GPRIN2: variants seen among roughly 807,000 people sequenced by gnomAD.
The protein encoded by GPRIN2 is G protein-regulated inducer of neurite outgrowth 2.
GPRIN2 carries 1 observed loss-of-function variant against 0.3 expected under a neutral mutation model. The ratio of observed to expected loss-of-function variants is 3.90; its 90% CI spans 1.39 to 18.51. GPRIN2 has a LOEUF of 18.51. GPRIN2 is among the 30% of genes most tolerant of loss of function. The pLI is 0.11. For synonymous variants in GPRIN2, 361 were observed against 258.6 expected (o/e 1.40, Z -3.80); for missense variants, 880 against 604.2 (o/e 1.46, Z -4.79).
chr10:46,551,876 A>G (rs757184749), intron 2 of GPRIN2, among the ~76,000 whole-genome samples: 26 of 152,288 alleles, frequency 1.7e-4, no homozygotes, highest in Non-Finnish European at 3.2e-4. Context: ...CAGTTTGGCC[A>G]ACTGTCAGCC....
At chr10:46,552,144 A>G (rs1842684413) in intron 2 of GPRIN2, among the ~76,000 whole-genome samples, 1 of 152,310 alleles carries the variant, frequency 6.6e-6, no homozygotes, top group Non-Finnish European at 1.5e-5. Flanking sequence ...CTGGAGGACC[A>G]GCCACGTAAG....
rs1218602193 is a variant in GPRIN2, at chr10:46,546,399, C to G, written c.*2961G>C. 6.6e-6 allele frequency among the ~76,000 whole-genome samples: 1 copy of G among 152,310 alleles called. No individual in the cohort carries two copies. On this transcript the variant is annotated 3_prime_UTR_variant, in exon 3 of 3. Transcript: ENST00000374314. ...GCTCTAGGACTCCAGGGTTTATGCT[C>G]CAAAGAACAGAATTTACCAGGACAA...
chr10:46,549,599 G>A lies in GPRIN2; in HGVS notation c.1138C>T (p.Arg380Trp), dbSNP rs1832663943. 4.6e-5 allele frequency: 75 copies of A among 1,614,166 alleles called. No homozygotes were observed. Among genetic ancestry groups the A allele is most frequent in the African/African-American group, 3.5e-4 (26 of 75,076 alleles). Residue 380 changes from arginine to tryptophan, a missense_variant, in exon 3 of 3, where the codon CGG becomes TGG. Transcript: ENST00000374314. ...CCCTCAGCATCCCATCGCACATCCC[G>A]CACAGGGGACGGCACCTCCTCCAGG... ...SSLEEVPSPV[R>W]DVRWDAEGMT... is the part of the protein sequence containing the mutation.
At chr10:46,551,333 A>AGG in intron 2 of GPRIN2, 1 of 932,510 alleles carries the variant, frequency 1.1e-6, no homozygotes, top group South Asian at 4.9e-5. Context: ...ACTGAGAATC[A>AGG]CCCTGGGCTT....
chr10:46,546,084 G>A lies in GPRIN2; in HGVS notation c.*3276C>T, dbSNP rs1178678625. 1.3e-5 allele frequency among the ~76,000 whole-genome samples: 2 copies of A among 152,306 alleles called. No homozygotes were observed. The highest frequency in any genetic ancestry group is 4.8e-5 in the African/African-American group (2 of 41,486). On this transcript the variant is annotated 3_prime_UTR_variant, in exon 3 of 3. Transcript: ENST00000374314. ...GAGACCCAATCCAGGTGACACAGGA[G>A]GTAAGATCACAGTGGAACAGGCCAT...
rs1832531426 is a variant in GPRIN2, at chr10:46,549,977, C to T, written c.760G>A (p.Gly254Arg). Residue 254 changes from glycine to arginine, a missense_variant, in exon 3 of 3, where the codon GGG (glycine) becomes AGG (arginine). Gly to Arg is a moderately radical substitution (Grantham distance 125). Transcript: ENST00000374314. ...GGCCHALPAT[G>R]ILAFPKLVAS... ...ACTAGTTTGGGAAAGGCCAGGATCC[C>T]TGTGGCAGGTAGGGCATGGCAGCAG... The T allele has an allele frequency of 5.0e-6, 8 of 1,614,104 alleles. No individual in the cohort carries two copies. The highest frequency in any genetic ancestry group is 5.9e-6 in the Non-Finnish European group (7 of 1,180,056).
intron 2 of GPRIN2, among the ~76,000 whole-genome samples, chr10:46,552,886 G>A (rs1312120904): frequency 1.3e-5 from 2 of 152,308 alleles, no homozygotes; most frequent in Non-Finnish European, 2.9e-5. Context: ...GGAAGAGGAG[G>A]AGTAGCCAAG....
chr10:46,554,786 T>G (rs1842988076), intron 1 of GPRIN2, 91 bp from the exon 2 acceptor site: 1 of 154,470 alleles, frequency 6.5e-6, no homozygotes, highest in African/African-American at 2.4e-5. Context: ...AGCCCAAACA[T>G]AGAGACCTTT....
rs1156630123 is a variant in GPRIN2 at position 46,545,194 on chromosome 10, C to A, written c.*4166G>T. On this transcript the variant is annotated 3_prime_UTR_variant, in exon 3 of 3. Coordinates refer to ENST00000374314, the MANE Select transcript of GPRIN2 (RefSeq NM_001385282.1). ...ATGCAAATGTCAATGGGTGCACCCC[C>A]AGATGCCTGTGACTCCCTCTGGTGG... Among the ~76,000 whole-genome samples, 2 of 152,310 alleles carry A rather than the reference C, an allele frequency of 1.3e-5. No homozygotes were observed. The highest frequency in any genetic ancestry group is 4.8e-5 in the African/African-American group (2 of 41,488).
In GPRIN2 at chr10:46,550,265, G is replaced by A. The variant is rs145549210; in HGVS notation, c.472C>T (p.Pro158Ser). 597 of 1,610,930 alleles carry A rather than the reference G, an allele frequency of 3.7e-4. No individual in the cohort carries two copies. The African/African-American group carries it at 6.4e-3, about 17-fold the overall frequency. Residue 158 changes from proline to serine, a missense_variant, in exon 3 of 3, where the codon CCA becomes TCA. Coordinates refer to ENST00000374314, the MANE Select transcript of GPRIN2 (RefSeq NM_001385282.1). ...CCACCCTGGCCAGAAGTACCACCTG[G>A]CTGCAGCTGAGCCCTGTGGACAGGG... ...SSPVHRAQLQ[P>S]GGTSGQGGQA...
chr10:46,551,707 T>C (rs1842631521), intron 2 of GPRIN2, among the ~76,000 whole-genome samples: 1 of 152,310 alleles, frequency 6.6e-6, no homozygotes, highest in Non-Finnish European at 1.5e-5. Flanking sequence ...GTACCATCGC[T>C]GTCACTTCCC....
Position 46,544,735 on chromosome 10 carries a change from G to A in GPRIN2, c.*4625C>T, listed in dbSNP as rs1260583833. ...TGGCCACCACAGAACCAGTTCTGCT[G>A]AGAACGAGGACTCGAGTCAGGCTAT... On this transcript the variant is annotated 3_prime_UTR_variant, in exon 3 of 3. Coordinates refer to ENST00000374314, the MANE Select transcript of GPRIN2 (RefSeq NM_001385282.1). Among the ~76,000 whole-genome samples the A allele has an allele frequency of 6.6e-6, 1 of 152,310 alleles. No homozygotes were observed. Among genetic ancestry groups the A allele is most frequent in the East Asian group, 1.9e-4 (1 of 5,208 alleles).
rs1842025717 is a variant in GPRIN2, at chr10:46,544,946, C to T, written c.*4414G>A. Among the ~76,000 whole-genome samples, 1 of 152,310 alleles carries T rather than the reference C, an allele frequency of 6.6e-6. No individual in the cohort carries two copies. Among genetic ancestry groups the T allele is most frequent in the Non-Finnish European group, 1.5e-5 (1 of 68,058 alleles). On this transcript the variant is annotated 3_prime_UTR_variant, in exon 3 of 3. Transcript: ENST00000374314. ...GTCCTGGGCTTCATACCAGCCCTGCCCTGCCTGACAAGTTGGATGAAAACT... is the reference window on the plus strand; with the variant it reads ...GTCCTGGGCTTCATACCAGCCCTGCTCTGCCTGACAAGTTGGATGAAAACT...
chr10:46,547,743 A>G lies in GPRIN2; in HGVS notation c.*1617T>C, dbSNP rs901496329. ...CATATACCCATGTGTCACTCCCCAG[A>G]ACGTGAGCTGCCTGCCCTGGCACCA... is the stretch of plus-strand genomic sequence containing the variant. On this transcript the variant is annotated 3_prime_UTR_variant, in exon 3 of 3. Coordinates refer to ENST00000374314, the MANE Select transcript of GPRIN2 (RefSeq NM_001385282.1). Among the ~76,000 whole-genome samples, 38 of 152,276 alleles carry G rather than the reference A, an allele frequency of 2.5e-4. No homozygotes were observed. Among genetic ancestry groups the G allele is most frequent in the Non-Finnish European group, 4.7e-4 (32 of 68,036 alleles).
chr10:46,555,698 A>T (rs990904396), intron 1 of GPRIN2, among the ~76,000 whole-genome samples: 3 of 152,304 alleles, frequency 2.0e-5, no homozygotes, highest in Non-Finnish European at 4.4e-5. Context: ...TAGGCGCCCA[A>T]CAGCCCCTGA....
rs1467887700 is a variant in GPRIN2 at position 46,542,242 on chromosome 10, C to T, written c.*7118G>A. Among the ~76,000 whole-genome samples, 1 of 152,306 alleles carries T rather than the reference C, an allele frequency of 6.6e-6. No homozygotes were observed. Among genetic ancestry groups the T allele is most frequent in the Non-Finnish European group, 1.5e-5 (1 of 68,054 alleles). On this transcript the variant is annotated 3_prime_UTR_variant, in exon 3 of 3. Coordinates refer to ENST00000374314, the MANE Select transcript of GPRIN2 (RefSeq NM_001385282.1). ...GTGGAGGGGAGAATTCTACCCCTCC[C>T]AGGGTTCCAGCCCCAACAGAGGCTC...
Position 46,547,230 on chromosome 10 carries a change from C to T in GPRIN2, c.*2130G>A, listed in dbSNP as rs1832858940. 1.2e-4 allele frequency among the ~76,000 whole-genome samples: 18 copies of T among 152,416 alleles called. No individual in the cohort carries two copies. The highest frequency in any genetic ancestry group is 3.9e-4 in the East Asian group (2 of 5,194). On this transcript the variant is annotated 3_prime_UTR_variant, in exon 3 of 3. Coordinates refer to ENST00000374314, the MANE Select transcript of GPRIN2 (RefSeq NM_001385282.1). ...GTGCCTGTGTATGCGTGTGTGTGCACGTGTATGAACCCAGCCCCCAGCTGC... is the reference window on the plus strand; with the variant it reads ...GTGCCTGTGTATGCGTGTGTGTGCATGTGTATGAACCCAGCCCCCAGCTGC...
Position 46,549,653 on chromosome 10 carries a change from C to T in GPRIN2, c.1084G>A (p.Val362Met). ...PSLEAPAALH[V>M]FPEVTLGSSL... is the part of the protein sequence containing the mutation. ...GACCCCAGAGTTACCTCTGGGAACA[C>T]ATGCAGGGCTGCAGGCGCTTCCAGG... Residue 362 changes from valine to methionine, a missense_variant, in exon 3 of 3, where the codon GTG becomes ATG. By Grantham distance (21) the Val-to-Met change is conservative. Coordinates refer to ENST00000374314, the MANE Select transcript of GPRIN2 (RefSeq NM_001385282.1). The T allele has an allele frequency of 1.2e-6, 2 of 1,614,244 alleles. No homozygotes were observed. Among genetic ancestry groups the T allele is most frequent in the Non-Finnish European group, 1.7e-6 (2 of 1,180,018 alleles).
chr10:46,549,241 T>C lies in GPRIN2; in HGVS notation c.*119A>G. The C allele has an allele frequency of 2.3e-6, 3 of 1,307,002 alleles. No individual in the cohort carries two copies. The highest frequency in any genetic ancestry group is 3.0e-6 in the Non-Finnish European group (3 of 990,336). 81.0% of individuals were successfully genotyped at this position (1,307,002 alleles called of 1,614,324 possible). On this transcript the variant is annotated 3_prime_UTR_variant, in exon 3 of 3. Transcript: ENST00000374314. The stretch of plus-strand genomic sequence containing the variant: ...CCTGTGGTCTGGAGGCAGCCAATAT[T>C]CAGGTGAGAGATGTGCCCAGCTGCC...
Sources: allele counts gnomAD v4.1 joint callset (sites outside exome capture counted in the v4.1 genomes callset), GRCh38; gene constraint gnomAD v4.1.1; transcripts MANE v1.5; gene names NCBI Gene and HGNC (gene_info 2026-07-23, HGNC 2026-07-21).